The following KRI1 variants were observed in gnomAD, a reference collection of about 807,000 sequenced individuals.
KRI1 encodes the protein protein KRI1 homolog.
In KRI1, 83 loss-of-function variants were observed where a neutral mutation model predicts 97.0. That is an observed-to-expected ratio of 0.86 (90% CI 0.72 to 1.03). KRI1 has a LOEUF of 1.03. KRI1 is among the 50% of genes least tolerant of loss of function. The pLI is 0.00. For missense variants in KRI1, 916 were observed against 928.4 expected (o/e 0.99, Z 0.17); for synonymous variants, 371 against 363.5 (o/e 1.02, Z -0.23).
At chr19:10,560,963 A>T (rs936662830) in intron 8 of KRI1, 40 bp downstream of exon 8, 40 of 1,473,844 alleles carry the variant, frequency 2.7e-5, no homozygotes, top group Non-Finnish European at 3.1e-5. Context: ...GACGCGGAAC[A>T]CGCGGTCTAC....
chr19:10,565,658 G>T, intron 2 of KRI1, 59 bp downstream of exon 2: 1 of 1,510,186 alleles, frequency 6.6e-7, no homozygotes. Flanking sequence ...CATCGGGGTC[G>T]GGGTGCAGAG....
At chr19:10,561,762 C>T (rs780991597) in intron 5 of KRI1, 29 bp downstream of exon 5, 15 of 1,613,746 alleles carry the variant, frequency 9.3e-6, no homozygotes, top group African/African-American at 1.3e-5. Context: ...GGCCCCTCAG[C>T]CCCCCGACCC....
chr19:10,557,769 C>T lies in KRI1; in HGVS notation c.1486G>A (p.Gly496Arg), dbSNP rs149342438. Reference protein sequence around the residue: ...VGQEKPVFEPGDKTFEEYLDE... With the variant: ...VGQEKPVFEPRDKTFEEYLDE... ...CACGGCCTGCCCACCTGGGCCTCAC[C>T]GGGTTCAAACACGGGCTTCTCCTGC... is the stretch of plus-strand genomic sequence containing the variant. The change falls in exon 15 of 19, where the codon GGG (glycine) becomes AGG (arginine). Residue 496 changes from glycine (G) to arginine (R), a missense_variant and splice_region_variant. Coordinates refer to ENST00000312962, the MANE Select transcript of KRI1 (RefSeq NM_023008.5). 1.2e-5 allele frequency: 19 copies of T among 1,613,292 alleles called. No homozygotes were observed. Among genetic ancestry groups the T allele is most frequent in the East Asian group, 2.2e-5 (1 of 44,884 alleles).
chr19:10,562,788 C>A lies in KRI1; in HGVS notation c.324G>T (p.Lys108Asn). 1 of 1,613,738 alleles carries A rather than the reference C, an allele frequency of 6.2e-7. No individual in the cohort carries two copies. Among genetic ancestry groups the A allele is most frequent in the Non-Finnish European group, 8.5e-7 (1 of 1,179,628 alleles). ...CCTTCAGGTACATGGGCCGCACTTT[C>A]TTCTGCTTCTCCAAGGCTTCTGGGT... ...EEDPEALEKQ[K>N]KVRPMYLKDY... is the part of the protein sequence containing the mutation. Residue 108 changes from lysine to asparagine, a missense_variant, in exon 4 of 19, where the codon AAG becomes AAT. This residue lies in a region of KRI1 where 173 missense variants were observed against 153.1 expected (regional missense o/e 1.13). Transcript: ENST00000312962.
intron 12 of KRI1, 73 bp from the exon 13 acceptor site, chr19:10,558,312 A>G: frequency 3.5e-6 from 5 of 1,433,442 alleles, no homozygotes; most frequent in Non-Finnish European, 4.9e-6. Context: ...GATGCCGCCA[A>G]TGACCCCCTC....
intron 4 of KRI1, 68 bp downstream of exon 4, chr19:10,562,661 C>T: frequency 1.1e-6 from 1 of 917,828 alleles, no homozygotes; most frequent in Non-Finnish European, 1.8e-6. Context: ...CCCTCTCCTG[C>T]CCCTAAGACC....
At position 10,560,338 on chromosome 19, in the gene KRI1, ATCTTCCTCCTCC is replaced by A. The variant is rs112902746; in HGVS notation, c.762_773del (p.Glu254_Glu257del). On this transcript the variant is annotated inframe_deletion, in exon 9 of 19. Transcript: ENST00000312962. Reference sequence around the variant, plus strand: ...CCTCCTCTTCCTCCATTTCCTCTTCATCTTCCTCCTCCTCTTCCTCCTCCTCATAGCGTTTGT... The same window carrying A: ...CCTCCTCTTCCTCCATTTCCTCTTCATCTTCCTCCTCCTCATAGCGTTTGT... The A allele has an allele frequency of 1.7e-3, 2,733 of 1,611,906 alleles. 32 individuals carry two copies. In the African/African-American group the frequency reaches 0.03, roughly 18 times the overall value.
At position 10,561,575 on chromosome 19, in the gene KRI1, G is replaced by A. The variant is rs1283465641; in HGVS notation, c.488+92C>T. 2 of 1,226,324 alleles carry A rather than the reference G, an allele frequency of 1.6e-6. 1 individual carries two copies. Among genetic ancestry groups the A allele is most frequent in the East Asian group, 4.6e-5 (2 of 43,222 alleles). 76.0% of individuals were successfully genotyped at this position (1,226,324 alleles called of 1,614,324 possible). On this transcript the variant is annotated intron_variant, in intron 6 of 18. Transcript: ENST00000312962. ...ACTGATGAGGAAACTGAAGCACATA[G>A]AAAGTGACAGAGCTCAATTTGAACC...
chr19:10,564,982 T>A lies in KRI1; in HGVS notation c.221A>T (p.Lys74Met). ...RDFYKTLSLLKKKDPRIYQKD... is the reference protein window; with the variant it reads ...RDFYKTLSLLMKKDPRIYQKD... ...CTGATAAATGCGGGGGTCCTTCTTC[T>A]TCAACAAGGAGAGCGTTTTGTAAAA... The change falls in exon 3 of 19, where the codon AAG becomes ATG. Residue 74 changes from lysine to methionine, a missense_variant. By Grantham distance (95) the Lys-to-Met change is moderately conservative (BLOSUM62 -1). Transcript: ENST00000312962. 6.2e-7 allele frequency: 1 copy of A among 1,613,938 alleles called. No homozygotes were observed. The highest frequency in any genetic ancestry group is 1.3e-5 in the African/African-American group (1 of 75,012).
chr19:10,557,451 G>C, intron 16 of KRI1, 101 bp downstream of exon 16: 1 of 1,287,930 alleles, frequency 7.8e-7, no homozygotes. Context: ...GCCATGTTGT[G>C]GCATTTCTGA....
intron 2 of KRI1, 105 bp downstream of exon 2, chr19:10,565,612 C>T (rs1916841105): frequency 7.1e-7 from 1 of 1,402,522 alleles, no homozygotes; most frequent in Non-Finnish European, 9.4e-7. Flanking sequence ...GACGCTCCCG[C>T]AGGGCGCTCT....
chr19:10,558,713 CT>C (rs1004687150), intron 12 of KRI1, among the ~76,000 whole-genome samples: 10 of 148,260 alleles, frequency 6.7e-5, no homozygotes, highest in African/African-American at 1.2e-4. Context: ...CGGCTAAGAT[CT>C]TTTTTTTTTG....
At chr19:10,565,639 C>T (rs1388555008) in intron 2 of KRI1, 78 bp downstream of exon 2, 12 of 1,483,254 alleles carry the variant, frequency 8.1e-6, no homozygotes, top group Non-Finnish European at 1.1e-5. Flanking sequence ...GGGGGTTCCC[C>T]CCCGTCTACA....
intron 4 of KRI1, 74 bp downstream of exon 4, chr19:10,562,655 C>T: frequency 5.6e-6 from 5 of 885,622 alleles, no homozygotes; most frequent in South Asian, 1.4e-5. Flanking sequence ...TTTTTTCCCT[C>T]TCCTGCCCCT....
rs374985846 is a variant in KRI1 at position 10,559,514 on chromosome 19, G to C, written c.1039C>G (p.Gln347Glu). The change falls in exon 12 of 19, where the codon CAG (glutamine) becomes GAG (glutamate). Residue 347 changes from glutamine to glutamate, a missense_variant. Physicochemically the swap from Gln to Glu is conservative, Grantham distance 29. Around this residue, in one of 3 missense-constraint regions of KRI1, gnomAD observed 672 missense variants for 667.2 expected, o/e 1.01. Transcript: ENST00000312962. ...ERKKREKAKK[Q>E]EELKQLKNLK... The stretch of plus-strand genomic sequence containing the variant: ...TTCTTCAGCTGCTTGAGCTCTTCCT[G>C]CTTCTTTGCTTTCTCCTGCAGGCCC... The C allele has an allele frequency of 1.2e-6, 2 of 1,613,956 alleles. No homozygotes were observed. The highest frequency in any genetic ancestry group is 1.1e-5 in the South Asian group (1 of 91,080).
rs1916630502 is a variant in KRI1 at position 10,559,687 on chromosome 19, T to C, written c.949A>G (p.Ile317Val). The C allele has an allele frequency of 3.1e-6, 5 of 1,614,084 alleles. No individual in the cohort carries two copies. The highest frequency in any genetic ancestry group is 4.2e-6 in the Non-Finnish European group (5 of 1,180,014). The change falls in exon 11 of 19, where the codon ATC becomes GTC. Residue 317 changes from isoleucine (I) to valine (V), a missense_variant. Coordinates refer to ENST00000312962, the MANE Select transcript of KRI1 (RefSeq NM_023008.5). ...SASVKTYPRS[I>V]ASSVRRKDER... ...TCCTTACGGCGCACGGAGGACGCGATGCTGCGTGGGTAGGTCTTGACCTAG... is the reference window on the plus strand; with the variant it reads ...TCCTTACGGCGCACGGAGGACGCGACGCTGCGTGGGTAGGTCTTGACCTAG...
chr19:10,564,871 A>C, intron 3 of KRI1, 58 bp downstream of exon 3: 1 of 1,098,914 alleles, frequency 9.1e-7, no homozygotes, highest in Non-Finnish European at 1.4e-6. Flanking sequence ...ACAGTCAGGA[A>C]AGGACCCCGG....
intron 16 of KRI1, 87 bp from the exon 17 acceptor site, chr19:10,555,436 G>A (rs12459941): frequency 0.23 from 324,558 of 1,392,926 alleles, 47,538 homozygotes; most frequent in East Asian, 0.74. Context: ...TAGTCAAAAC[G>A]GTAATGCCGC....
chr19:10,553,838 T>C lies in KRI1; in HGVS notation c.*113A>G. 1 of 949,628 alleles carries C rather than the reference T, an allele frequency of 1.1e-6. No individual in the cohort carries two copies. The allele number at this position is 949,628 out of a possible 1,614,324, so 58.8% of individuals were successfully genotyped here. A position where few individuals can be genotyped will look rare whatever the true frequency, so the allele number is the denominator to read the frequency against. Reference sequence around the variant, plus strand: ...TCCCAAAGTGCTGGGATTACAGGCGTGCCTGGCCACAGATGAGAGGATCTC... The same window carrying C: ...TCCCAAAGTGCTGGGATTACAGGCGCGCCTGGCCACAGATGAGAGGATCTC... On this transcript the variant is annotated 3_prime_UTR_variant, in exon 19 of 19. Transcript: ENST00000312962.
Sources: allele counts gnomAD v4.1 joint callset (sites outside exome capture counted in the v4.1 genomes callset), GRCh38; gene constraint gnomAD v4.1.1; regional missense constraint gnomAD v4.1.1; transcripts MANE v1.5; gene names NCBI Gene and HGNC (gene_info 2026-07-23, HGNC 2026-07-21).